LIPA: variants seen among roughly 807,000 people sequenced by gnomAD.
The protein encoded by LIPA is lipase A, lysosomal acid type, also known as lysosomal acid lipase/cholesteryl ester hydrolase.
LIPA carries 26 observed loss-of-function variants against 40.6 expected under a neutral mutation model. That is an observed-to-expected ratio of 0.64 (90% CI 0.47 to 0.89). LIPA has a LOEUF of 0.89. Among genes scored for constraint, LIPA ranks in the 40% least tolerant of loss-of-function variants. LIPA has a pLI of 0.00. For missense variants in LIPA, 455 were observed against 479.6 expected (o/e 0.95, Z 0.48); for synonymous variants, 188 against 168.4 (o/e 1.12, Z -0.90).
rs142187620 is a variant in LIPA at position 89,401,998 on chromosome 10, C to A, written c.61+10793G>T. 6.7e-3 allele frequency among the ~76,000 whole-genome samples: 1,026 copies of A among 152,218 alleles called. 10 individuals are homozygous for A. The highest frequency in any genetic ancestry group is 0.022 in the African/African-American group (900 of 41,518). On this transcript the variant is annotated intron_variant, in intron 2 of 8. Coordinates refer to the LIPA transcript ENST00000371837. The stretch of plus-strand genomic sequence containing the variant: ...GCTTGACACATATAAGTTTATTAAT[C>A]CTCACCAAACCCAGTGTGATAAATA...
chr10:89,265,511 C>G (rs968400595), intron 1 of LIPA, among the ~76,000 whole-genome samples: 2 of 152,232 alleles, frequency 1.3e-5, no homozygotes, highest in African/African-American at 2.4e-5. Flanking sequence ...TAGCTTTCAG[C>G]TACATAAACC....
chr10:89,234,285 A>G (rs1045441182), intron 3 of LIPA, among the ~76,000 whole-genome samples: 1 of 152,222 alleles, frequency 6.6e-6, no homozygotes, highest in Non-Finnish European at 1.5e-5. Flanking sequence ...GGAAAAGTCC[A>G]GTGCCTTGTC....
intron 1 of LIPA, chr10:89,278,608 T>A (rs1843300549): frequency 6.6e-6 from 1 of 152,228 alleles, no homozygotes; most frequent in Admixed American, 6.5e-5. Flanking sequence ...CTGGCAATGT[T>A]ATCTTAGTTT....
chr10:89,319,468 T>C (rs1843559387), intron 1 of LIPA, among the ~76,000 whole-genome samples: 1 of 151,986 alleles, frequency 6.6e-6, no homozygotes, highest in Non-Finnish European at 1.5e-5. Flanking sequence ...CTAGAAGAAA[T>C]GGATAAATTC....
In LIPA at chr10:89,223,295, A is replaced by G. The variant is rs1230197105; in HGVS notation, c.822+389T>C. ...GTACTCAATATTGGCTATAGTACTC[A>G]ACAGGCTTCAGCCCTTGTCCCTCTC... On this transcript the variant is annotated intron_variant, in intron 7 of 9. Transcript: ENST00000336233. 0.01 allele frequency among the ~76,000 whole-genome samples: 4 copies of G among 388 alleles called. No individual in the cohort carries two copies. The South Asian group carries it at 0.3, about 29-fold the overall frequency. 0.3% of individuals were successfully genotyped at this position (388 alleles called of 152,430 possible). A position where few individuals can be genotyped will look rare whatever the true frequency, so the allele number is the denominator to read the frequency against.
At chr10:89,340,583 A>AGTTGTTTT (rs1843854242) in intron 1 of LIPA, 1 of 140,832 alleles carries the variant, frequency 7.1e-6, no homozygotes, top group Non-Finnish European at 1.5e-5. Context: ...AAAAAAAAAG[A>AGTTGTTTT]GTTGTTTTCT....
intron 2 of LIPA, among the ~76,000 whole-genome samples, chr10:89,370,131 C>A (rs897834149): frequency 6.6e-6 from 1 of 152,180 alleles, no homozygotes; most frequent in Admixed American, 6.5e-5. Context: ...ATCTAAAACT[C>A]AGTTCTTCAG....
upstream of LIPA, among the ~76,000 whole-genome samples, chr10:89,343,763 T>C (rs893212901): frequency 2.0e-5 from 3 of 152,152 alleles, no homozygotes; most frequent in Non-Finnish European, 4.4e-5. Context: ...GCCTCCCGAT[T>C]GCCATATGGG....
Position 89,268,288 on chromosome 10 carries a change from TA to T in LIPA, c.-1-20640del, listed in dbSNP as rs1251670108. 2.6e-5 allele frequency among the ~76,000 whole-genome samples: 4 copies of T among 152,244 alleles called. No individual in the cohort carries two copies. In the East Asian group the frequency reaches 7.7e-4, roughly 29 times the overall value. Reference sequence around the variant, plus strand: ...CTTCTTGAGTTAGAGTTCTCTTCTGTAAAATAGAATTAATATTGTCTAGGGA... The same window carrying T: ...CTTCTTGAGTTAGAGTTCTCTTCTGTAAATAGAATTAATATTGTCTAGGGA... On this transcript the variant is annotated intron_variant, in intron 1 of 5. Coordinates refer to the LIPA transcript ENST00000282673.
intron 1 of LIPA, among the ~76,000 whole-genome samples, chr10:89,334,589 G>A (rs905173810): frequency 8.2e-5 from 6 of 72,942 alleles, no homozygotes; most frequent in African/African-American, 4.3e-4. Flanking sequence ...TCCGCCTTCC[G>A]GTTTCAAGCA....
chr10:89,400,057 T>C (rs890043109), intron 2 of LIPA, among the ~76,000 whole-genome samples: 4 of 152,246 alleles, frequency 2.6e-5, no homozygotes, highest in African/African-American at 7.2e-5. Flanking sequence ...TATTGAGTTA[T>C]GACATTCTGA....
chr10:89,295,100 G>T lies in LIPA; in HGVS notation c.-1-47451C>A, dbSNP rs372824694. On this transcript the variant is annotated intron_variant, in intron 1 of 5. Coordinates refer to the LIPA transcript ENST00000282673. The stretch of plus-strand genomic sequence containing the variant: ...GGAATGGAAAGGAAAAAAGAATGGG[G>T]AGCTATTTTATTAACTATATCAATA... 4.0e-5 allele frequency among the ~76,000 whole-genome samples: 6 copies of T among 150,334 alleles called. No homozygotes were observed. In the South Asian group the frequency reaches 1.0e-3, roughly 26 times the overall value.
upstream of LIPA, among the ~76,000 whole-genome samples, chr10:89,343,457 T>C (rs1365694733): frequency 6.6e-6 from 1 of 152,184 alleles, no homozygotes; most frequent in Admixed American, 6.5e-5. Context: ...GGGAAAGGGC[T>C]TCTAGTTTCT....
At chr10:89,377,410 C>T (rs565904397) in intron 2 of LIPA, among the ~76,000 whole-genome samples, 1 of 148,848 alleles carries the variant, frequency 6.7e-6, no homozygotes, top group South Asian at 2.1e-4. Flanking sequence ...TAATGGTGAA[C>T]AGTAAAGATC....
intron 2 of LIPA, among the ~76,000 whole-genome samples, chr10:89,374,388 T>C (rs1304725338): frequency 6.6e-6 from 1 of 152,156 alleles, no homozygotes; most frequent in Non-Finnish European, 1.5e-5. Flanking sequence ...TGTTTCCTTA[T>C]TGTTGCTCTG....
At chr10:89,276,395 G>T (rs1371081546) in intron 1 of LIPA, among the ~76,000 whole-genome samples, 1 of 152,208 alleles carries the variant, frequency 6.6e-6, no homozygotes, top group Non-Finnish European at 1.5e-5. Flanking sequence ...TCAATTAGCA[G>T]CCAGGCTCTT....
At chr10:89,380,408 G>A (rs1357900142) in intron 2 of LIPA, among the ~76,000 whole-genome samples, 1 of 151,728 alleles carries the variant, frequency 6.6e-6, no homozygotes, top group East Asian at 1.9e-4. Context: ...ACAGGGATTA[G>A]GTCACTACAT....
chr10:89,332,477 G>C, intron 1 of LIPA: 1 of 1,530,676 alleles, frequency 6.5e-7, no homozygotes, highest in South Asian at 1.3e-5. Flanking sequence ...GGTTCCATCA[G>C]TTTCACTTTC....
At chr10:89,385,011 A>C (rs1844200294) in intron 2 of LIPA, 2 of 391,418 alleles carry the variant, frequency 5.1e-6, no homozygotes, top group Non-Finnish European at 9.2e-6. Context: ...GGAACATAGC[A>C]AGTAGTAACC....
Sources: allele counts gnomAD v4.1 joint callset (sites outside exome capture counted in the v4.1 genomes callset), GRCh38; gene constraint gnomAD v4.1.1; transcripts MANE v1.5; gene names NCBI Gene and HGNC (gene_info 2026-07-23, HGNC 2026-07-21).